The following COTL1 variants were observed in gnomAD, a reference collection of about 807,000 sequenced individuals.
The protein encoded by COTL1 is coactosin like F-actin binding protein 1, also known as coactosin-like protein.
A neutral mutation model predicts 16.5 loss-of-function variants in COTL1; 15 were observed. That is an observed-to-expected ratio of 0.91 (90% CI 0.61 to 1.40). The LOEUF (loss-of-function observed/expected upper bound fraction) is 1.40. COTL1 is among the 40% of genes most tolerant of loss of function. The pLI, the probability that COTL1 is intolerant of heterozygous loss-of-function variation, is 0.00. For synonymous variants in COTL1, 112 were observed against 85.3 expected, an observed-to-expected ratio of 1.31 and a Z score of -1.73; for missense variants, 220 against 201.5, an observed-to-expected ratio of 1.09 and a Z score of -0.56.
intron 2 of COTL1, among the ~76,000 whole-genome samples, chr16:84,598,490 G>A (rs576550887): frequency 3.9e-5 from 6 of 152,218 alleles, no homozygotes; most frequent in African/African-American, 4.8e-5. Context: ...ACCGCCTGGC[G>A]CAGAGCTGTG....
intron 2 of COTL1, among the ~76,000 whole-genome samples, chr16:84,614,078 G>C (rs1053280666): frequency 2.0e-5 from 3 of 152,218 alleles, no homozygotes; most frequent in Non-Finnish European, 4.4e-5. Flanking sequence ...AGGCTGTTTG[G>C]AGTTCGGGCA....
chr16:84,607,664 CCATGT>C (rs1268228076), intron 2 of COTL1, among the ~76,000 whole-genome samples: 16 of 152,076 alleles, frequency 1.1e-4, no homozygotes, highest in African/African-American at 3.9e-4. Context: ...AAAGGGCACC[CCATGT>C]CATGTCTGAG....
chr16:84,567,275 A>G (rs1440040142), intron 3 of COTL1: 1 of 247,048 alleles, frequency 4.0e-6, no homozygotes, highest in Non-Finnish European at 7.9e-6. Context: ...AGTCCCTTCA[A>G]TTCTCTGTGC....
At chr16:84,574,037 G>C (rs889761985) in intron 3 of COTL1, among the ~76,000 whole-genome samples, 2 of 152,114 alleles carry the variant, frequency 1.3e-5, no homozygotes, top group African/African-American at 4.8e-5. Flanking sequence ...CAGTGGTGGT[G>C]TGCGCCTGTT....
chr16:84,574,861 C>G (rs565932826), intron 3 of COTL1, among the ~76,000 whole-genome samples: 1 of 152,160 alleles, frequency 6.6e-6, no homozygotes, highest in Non-Finnish European at 1.5e-5. Flanking sequence ...ATTCATGCCT[C>G]AAAGATGCAA....
rs143497231 is a variant in COTL1 at position 84,590,234 on chromosome 16, G to A, written c.189C>T (p.Arg63=). ...TDDVRLFAFV[R]FTTGDAMSKR... is the part of the protein sequence containing the mutation. ...TGCTCATGGCATCCCCGGTGGTGAA[G>A]CGCACGAAGGCAAACAACCGGACGT... is the stretch of plus-strand genomic sequence containing the variant. Residue 63 remains arginine, a synonymous_variant, in exon 3 of 4, where the codon CGC becomes CGT. Coordinates refer to ENST00000262428, the MANE Select transcript of COTL1 (RefSeq NM_021149.5). The surrounding 1 kb of genome is among the most constrained non-coding windows in gnomAD (Gnocchi z 5.5). 4.0e-5 allele frequency: 65 copies of A among 1,614,028 alleles called. No homozygotes were observed. The highest frequency in any genetic ancestry group is 5.4e-5 in the Non-Finnish European group (64 of 1,180,006).
In COTL1 at chr16:84,590,899, G is replaced by A. The variant is rs563948367; in HGVS notation, c.161-637C>T. Among the ~76,000 whole-genome samples the A allele has an allele frequency of 1.2e-4, 18 of 152,184 alleles. 1 individual carries two copies. The South Asian group carries it at 2.1e-3, about 17-fold the overall frequency. ...AAGAAAATGGCTCTTAATTTGGCCC[G>A]GGATATGGCTCCGAGGATATTTCAC... On this transcript the variant is annotated intron_variant, in intron 2 of 3. Coordinates refer to ENST00000262428, the MANE Select transcript of COTL1 (RefSeq NM_021149.5). This position sits in a 1 kb window ranked among gnomAD's most constrained non-coding sequence, Gnocchi z 5.5.
At chr16:84,601,109 G>A (rs951907484) in intron 2 of COTL1, among the ~76,000 whole-genome samples, 8 of 152,138 alleles carry the variant, frequency 5.3e-5, no homozygotes, top group Non-Finnish European at 7.3e-5. Context: ...GGGGTTCAGC[G>A]TCTGGCTCCC....
chr16:84,589,690 T>G (rs1451244611), intron 3 of COTL1, among the ~76,000 whole-genome samples: 1 of 152,074 alleles, frequency 6.6e-6, no homozygotes, highest in East Asian at 1.9e-4. Flanking sequence ...TGGAAAAGAC[T>G]TAAAGTAGGC....
chr16:84,591,108 G>C (rs956472567), intron 2 of COTL1, among the ~76,000 whole-genome samples: 1 of 150,674 alleles, frequency 6.6e-6, no homozygotes, highest in African/African-American at 2.4e-5. Context: ...TTTAAAATTT[G>C]TTTCACAATC....
At chr16:84,617,419 C>G (rs1407878190) in intron 2 of COTL1, 82 bp downstream of exon 2, 1 of 1,359,132 alleles carries the variant, frequency 7.4e-7, no homozygotes, top group Non-Finnish European at 1.0e-6. Context: ...CGGTTCCTCC[C>G]GGGTTCGCTC....
At chr16:84,586,025 A>T (rs774214893) in intron 3 of COTL1, among the ~76,000 whole-genome samples, 9 of 152,076 alleles carry the variant, frequency 5.9e-5, no homozygotes, top group Non-Finnish European at 1.3e-4. Context: ...TGTGCACGTG[A>T]CCCAAGCTGG....
chr16:84,601,689 C>T (rs186905029), intron 2 of COTL1, among the ~76,000 whole-genome samples: 1 of 152,294 alleles, frequency 6.6e-6, no homozygotes, highest in East Asian at 1.9e-4. Flanking sequence ...CTCTTGACCT[C>T]GTGATCCCCC....
At chr16:84,581,573 G>A (rs138807743) in intron 3 of COTL1, among the ~76,000 whole-genome samples, 150 of 152,220 alleles carry the variant, frequency 9.9e-4, no homozygotes, top group African/African-American at 3.4e-3. Context: ...GCACAATCTC[G>A]GCTCACTCCA....
intron 2 of COTL1, among the ~76,000 whole-genome samples, chr16:84,608,041 G>A (rs765073957): frequency 6.6e-6 from 1 of 152,132 alleles, no homozygotes; most frequent in Non-Finnish European, 1.5e-5. Context: ...GGAGGTGCTG[G>A]CCACTGGCAA....
Position 84,617,529 on chromosome 16 carries a change from C to T in COTL1, c.132G>A (p.Glu44=), listed in dbSNP as rs764533632. Residue 44 remains glutamate, a synonymous_variant, in exon 2 of 4, where the codon GAG becomes GAA. Coordinates refer to ENST00000262428, the MANE Select transcript of COTL1 (RefSeq NM_021149.5). ...TGCACTGCTGGATGAAGTGCTGGTA[C>T]TCCGCTCCCTGCTCGCCGGGGACGA... ...STIVPGEQGA[E]YQHFIQQCTD... 3.9e-5 allele frequency: 60 copies of T among 1,556,886 alleles called. No individual in the cohort carries two copies. In the Middle Eastern group the frequency reaches 1.9e-3, roughly 49 times the overall value.
At chr16:84,585,503 C>A (rs978636985) in intron 3 of COTL1, among the ~76,000 whole-genome samples, 2 of 152,152 alleles carry the variant, frequency 1.3e-5, no homozygotes, top group Admixed American at 6.5e-5. Flanking sequence ...TTTATTAATA[C>A]AGTAATCTTA....
At chr16:84,588,735 T>C (rs1485202712) in intron 3 of COTL1, among the ~76,000 whole-genome samples, 2 of 152,178 alleles carry the variant, frequency 1.3e-5, no homozygotes, top group Admixed American at 1.3e-4. Context: ...CAGGCTGGTC[T>C]TGAACTCTTG....
intron 2 of COTL1, among the ~76,000 whole-genome samples, chr16:84,602,230 G>A (rs1056111655): frequency 6.6e-6 from 1 of 151,426 alleles, no homozygotes; most frequent in African/African-American, 2.4e-5. Flanking sequence ...CATTTTATAA[G>A]AGTAAAACCA....
Sources: gnomAD v4.1 joint callset for allele counts (sites outside exome capture counted in the v4.1 genomes callset) on GRCh38, gnomAD v4.1.1 for gene constraint, Gnocchi (gnomAD v3.1) non-coding constraint, MANE v1.5 for transcripts, NCBI Gene and HGNC (gene_info 2026-07-23, HGNC 2026-07-21) for gene names.